Variants in ETFA observed in about 807,000 individuals in gnomAD.
ETFA encodes the protein electron transfer flavoprotein subunit alpha, also known as electron transfer flavoprotein subunit alpha, mitochondrial.
A neutral mutation model predicts 46.2 loss-of-function variants in ETFA; 22 were observed. The ratio of observed to expected loss-of-function variants is 0.48; its 90% confidence interval spans 0.34 to 0.68. The LOEUF (loss-of-function observed/expected upper bound fraction) is 0.68. ETFA is among the 30% of genes least tolerant of loss of function. ETFA has a pLI of 0.01. For missense variants in ETFA, 345 were observed against 401.1 expected (o/e 0.86, Z 1.19); for synonymous variants, 131 against 139.9 (o/e 0.94, Z 0.45).
chr15:76,270,233 T>C (rs1266203254), intron 9 of ETFA, among the ~76,000 whole-genome samples: 1 of 152,024 alleles, frequency 6.6e-6, no homozygotes, highest in African/African-American at 2.4e-5. Context: ...CAGTTCCAGG[T>C]GTTGGAGCTT....
chr15:76,305,769 C>T (rs1331254802), intron 1 of ETFA, among the ~76,000 whole-genome samples: 4 of 152,174 alleles, frequency 2.6e-5, no homozygotes, highest in Admixed American at 1.3e-4. Context: ...CTTCACAACA[C>T]TGAATCCAAT....
chr15:76,222,508 A>G (rs1387258805), intron 11 of ETFA, among the ~76,000 whole-genome samples: 3 of 152,212 alleles, frequency 2.0e-5, no homozygotes, highest in Admixed American at 2.0e-4. Flanking sequence ...TTCAGCTGAG[A>G]AAACAACTTC....
At chr15:76,216,811 A>AGCCCAC (rs1015621337) in intron 11 of ETFA, among the ~76,000 whole-genome samples, 7 of 146,124 alleles carry the variant, frequency 4.8e-5, no homozygotes, top group African/African-American at 1.8e-4. Context: ...CAGGGCTTAC[A>AGCCCAC]GCCCACTCAT....
At chr15:76,253,816 TA>T (rs1322659159) in intron 9 of ETFA, among the ~76,000 whole-genome samples, 2 of 152,202 alleles carry the variant, frequency 1.3e-5, no homozygotes, top group African/African-American at 4.8e-5. Context: ...AAATATTATT[TA>T]GGGAGATAAT....
intron 11 of ETFA, among the ~76,000 whole-genome samples, chr15:76,222,172 T>C (rs1330508030): frequency 6.7e-6 from 1 of 150,272 alleles, no homozygotes; most frequent in African/African-American, 2.4e-5. Context: ...TATATAAAGA[T>C]ATTACCTTAT....
chr15:76,308,385 CTT>C (rs1596230657), intron 1 of ETFA, among the ~76,000 whole-genome samples: 1 of 152,134 alleles, frequency 6.6e-6, no homozygotes, highest in East Asian at 1.9e-4. Flanking sequence ...GCAAACAACA[CTT>C]TGGCTAAGTA....
intron 9 of ETFA, among the ~76,000 whole-genome samples, chr15:76,270,196 G>A (rs988224334): frequency 6.6e-6 from 1 of 152,198 alleles, no homozygotes; most frequent in African/African-American, 2.4e-5. Flanking sequence ...AGTAGGGTGG[G>A]GAGGGTATCT....
chr15:76,311,351 G>A lies in ETFA; in HGVS notation c.38C>T (p.Ala13Val). The change falls in exon 1 of 12, where the codon GCG (alanine) becomes GTG (valine). Residue 13 changes from alanine to valine, a missense_variant and splice_region_variant. By Grantham distance (64) the Ala-to-Val change is moderately conservative. Coordinates refer to ENST00000557943, the MANE Select transcript of ETFA (RefSeq NM_000126.4). ...RAAAPGQLRRAASLLRFQSTL... is the reference protein window; with the variant it reads ...RAAAPGQLRRVASLLRFQSTL... Reference sequence around the variant, plus strand: ...TTCGCCTTCCCAGTCCGGACTCACCGCCCGCCGGAGCTGCCCCGGAGCCGC... The same window carrying A: ...TTCGCCTTCCCAGTCCGGACTCACCACCCGCCGGAGCTGCCCCGGAGCCGC... 1 of 1,557,462 alleles carries A rather than the reference G, an allele frequency of 6.4e-7. No individual in the cohort carries two copies. Among genetic ancestry groups the A allele is most frequent in the Non-Finnish European group, 8.7e-7 (1 of 1,151,290 alleles).
At chr15:76,235,172 G>C (rs2039110843) in intron 9 of ETFA, among the ~76,000 whole-genome samples, 1 of 152,114 alleles carries the variant, frequency 6.6e-6, no homozygotes, top group Admixed American at 6.5e-5. Context: ...TTACTGTTGA[G>C]GCTCGTCCTT....
chr15:76,297,384 A>G (rs1410396981), intron 1 of ETFA, among the ~76,000 whole-genome samples: 1 of 151,238 alleles, frequency 6.6e-6, no homozygotes, highest in African/African-American at 2.4e-5. Context: ...AAAATTAATA[A>G]AATAATTAAA....
Position 76,311,218 on chromosome 15 carries a change from C to T in ETFA, c.39+132G>A, listed in dbSNP as rs975938750. ...GGCCCCAGAACTTTGGACCCAAGTC[C>T]CAGGCGGGGACCGGCCTGCGGGCGC... On this transcript the variant is annotated intron_variant, in intron 1 of 11. Coordinates refer to ENST00000557943, the MANE Select transcript of ETFA (RefSeq NM_000126.4). 2.8e-6 allele frequency: 3 copies of T among 1,084,158 alleles called. No homozygotes were observed. In the East Asian group the frequency reaches 7.8e-5, roughly 28 times the overall value. The allele number at this position is 1,084,158 out of a possible 1,614,324, so 67.2% of individuals were successfully genotyped here.
At chr15:76,298,550 C>A (rs914981794) in intron 1 of ETFA, among the ~76,000 whole-genome samples, 1 of 152,154 alleles carries the variant, frequency 6.6e-6, no homozygotes, top group Non-Finnish European at 1.5e-5. Flanking sequence ...AAAATTCCTA[C>A]AAAGTCTATG....
intron 9 of ETFA, chr15:76,260,182 C>T (rs542489350): frequency 4.1e-5 from 59 of 1,422,556 alleles, no homozygotes; most frequent in Non-Finnish European, 5.5e-5. Context: ...AGCACATCCT[C>T]CAGTTTTTCC....
intron 10 of ETFA, chr15:76,227,981 C>T (rs1021021779): frequency 2.2e-6 from 1 of 455,936 alleles, no homozygotes; most frequent in Non-Finnish European, 4.4e-6. Context: ...GCCTCAAATC[C>T]AAAGGCACAA....
At chr15:76,279,833 CTCCTTTTCTCT>C (rs2039630761) in intron 8 of ETFA, among the ~76,000 whole-genome samples, 1 of 151,880 alleles carries the variant, frequency 6.6e-6, no homozygotes, top group Admixed American at 6.6e-5. Context: ...GGTCTTCTTT[CTCCTTTTCTCT>C]CTTAGCTCTC....
At chr15:76,304,910 G>T (rs191473891) in intron 1 of ETFA, among the ~76,000 whole-genome samples, 151 of 152,100 alleles carry the variant, frequency 9.9e-4, no homozygotes, top group Non-Finnish European at 1.9e-3. Context: ...GGGCGTGGTG[G>T]CGGGCACCTG....
At chr15:76,270,882 T>C (rs565484821) in intron 9 of ETFA, among the ~76,000 whole-genome samples, 1 of 152,156 alleles carries the variant, frequency 6.6e-6, no homozygotes, top group Admixed American at 6.5e-5. Flanking sequence ...AAATCAAAAG[T>C]TTATTGGCCG....
intron 9 of ETFA, among the ~76,000 whole-genome samples, chr15:76,271,810 G>A (rs2039534643): frequency 6.6e-6 from 1 of 151,958 alleles, no homozygotes; most frequent in South Asian, 2.1e-4. Flanking sequence ...GTAAATTTGA[G>A]ATATAGTTTC....
intron 9 of ETFA, among the ~76,000 whole-genome samples, chr15:76,272,987 T>C (rs1459323446): frequency 6.6e-6 from 1 of 151,976 alleles, no homozygotes; most frequent in Non-Finnish European, 1.5e-5. Context: ...TTTTAAGCTT[T>C]AAATCTTCTT....
Sources: gnomAD v4.1 joint callset for allele counts (sites outside exome capture counted in the v4.1 genomes callset) on GRCh38, gnomAD v4.1.1 for gene constraint, MANE v1.5 for transcripts, NCBI Gene and HGNC (gene_info 2026-07-23, HGNC 2026-07-21) for gene names.